Variants in TMEM132B observed in about 807,000 individuals in gnomAD.
TMEM132B encodes the protein transmembrane protein 132B.
TMEM132B carries 18 observed loss-of-function variants against 90.8 expected under a neutral mutation model. The observed-to-expected ratio is 0.20, with a 90% confidence interval of 0.14 to 0.29. The LOEUF (loss-of-function observed/expected upper bound fraction) is 0.29. Ranked by LOEUF, TMEM132B falls within the 10% of genes least tolerant of loss-of-function variation. The pLI is 1.00. For missense variants in TMEM132B, 1,096 were observed against 1,326.8 expected (o/e 0.83, Z 2.70); for synonymous variants, 504 against 523.3 (o/e 0.96, Z 0.50).
In TMEM132B at chr12:125,415,865, G is replaced by A. The variant is rs184509630; in HGVS notation, c.1106+188G>A. Among the ~76,000 whole-genome samples the A allele has an allele frequency of 1.8e-4, 28 of 152,246 alleles. No homozygotes were observed. Among genetic ancestry groups the A allele is most frequent in the African/African-American group, 5.5e-4 (23 of 41,542 alleles). ...TATCACAGCGTCGGGTTTGGTAACC[G>A]CGTTTTAAATTTTTATCTTTATTAT... On this transcript the variant is annotated intron_variant, in intron 3 of 8. Coordinates refer to ENST00000682704, the MANE Select transcript of TMEM132B (RefSeq NM_001366854.1). This position sits in a 1 kb window ranked among gnomAD's most constrained non-coding sequence, Gnocchi z 5.3.
At chr12:125,314,669 C>T (rs1308079177) in intron 1 of TMEM132B, among the ~76,000 whole-genome samples, 1 of 152,214 alleles carries the variant, frequency 6.6e-6, no homozygotes, top group African/African-American at 2.4e-5. Flanking sequence ...AAGATCTTTT[C>T]TTCCAGCTCA....
chr12:125,433,422 A>C (rs905390215), intron 3 of TMEM132B, among the ~76,000 whole-genome samples: 1 of 152,042 alleles, frequency 6.6e-6, no homozygotes, highest in Non-Finnish European at 1.5e-5. Flanking sequence ...TCTCCGGCTC[A>C]ACTGGGATTT....
chr12:125,332,108 CAT>C (rs1876794872), intron 1 of TMEM132B, among the ~76,000 whole-genome samples: 1 of 152,050 alleles, frequency 6.6e-6, no homozygotes, highest in Admixed American at 6.6e-5. Context: ...TACTCTAGCT[CAT>C]AGGATTGTGT....
At chr12:125,548,517 A>G (rs1400188450) in intron 4 of TMEM132B, among the ~76,000 whole-genome samples, 1 of 152,206 alleles carries the variant, frequency 6.6e-6, no homozygotes, top group Non-Finnish European at 1.5e-5. Flanking sequence ...GGATTGAAGG[A>G]TAAGACGACA....
chr12:125,513,295 G>C (rs960682399), intron 3 of TMEM132B, among the ~76,000 whole-genome samples: 2 of 152,164 alleles, frequency 1.3e-5, no homozygotes, highest in African/African-American at 4.8e-5. Flanking sequence ...ATACATTCGT[G>C]AGCAAAACAG....
chr12:125,275,950 G>C (rs1327303626), intron 1 of TMEM132B, among the ~76,000 whole-genome samples: 2 of 152,156 alleles, frequency 1.3e-5, no homozygotes, highest in East Asian at 3.8e-4. Flanking sequence ...CTGGGCTTAA[G>C]CAATCCTCCT....
intron 4 of TMEM132B, among the ~76,000 whole-genome samples, chr12:125,560,434 A>G (rs145225708): frequency 7.2e-5 from 11 of 152,340 alleles, no homozygotes; most frequent in African/African-American, 2.6e-4. Context: ...CAACAAACAT[A>G]TGAAAGAAAG....
chr12:125,383,231 G>A (rs2136289049), intron 2 of TMEM132B, among the ~76,000 whole-genome samples: 1 of 152,354 alleles, frequency 6.6e-6, no homozygotes, highest in Admixed American at 6.5e-5. Context: ...GTGGAAGTCA[G>A]TGACAGCCCC....
At chr12:125,596,563 T>C (rs970186786) in intron 5 of TMEM132B, among the ~76,000 whole-genome samples, 15 of 152,212 alleles carry the variant, frequency 9.9e-5, no homozygotes, top group African/African-American at 3.6e-4. Context: ...AATGTTGGAT[T>C]AGCCTTAAAG....
intron 1 of TMEM132B, among the ~76,000 whole-genome samples, chr12:125,315,079 A>G (rs768024647): frequency 1.3e-5 from 2 of 152,232 alleles, no homozygotes; most frequent in Non-Finnish European, 2.9e-5. Context: ...AACTCAACCA[A>G]TGCCAGGAAC....
At chr12:125,366,293 G>A (rs1036927022) in intron 2 of TMEM132B, among the ~76,000 whole-genome samples, 2 of 152,082 alleles carry the variant, frequency 1.3e-5, no homozygotes, top group Admixed American at 6.6e-5. Flanking sequence ...GGACACTTAG[G>A]TTGATTCCAT....
chr12:125,605,178 G>A (rs1179597070), intron 5 of TMEM132B, among the ~76,000 whole-genome samples: 1 of 152,192 alleles, frequency 6.6e-6, no homozygotes, highest in Non-Finnish European at 1.5e-5. Context: ...CTTCTGGGCA[G>A]TCTTCCCACG....
chr12:125,225,439 G>A (rs1012191002), intron 1 of TMEM132B, among the ~76,000 whole-genome samples: 2 of 152,248 alleles, frequency 1.3e-5, no homozygotes, highest in Non-Finnish European at 2.9e-5. Flanking sequence ...ACTCACACAC[G>A]AAGCCAGCCT....
chr12:125,486,225 A>G (rs1306745848), intron 3 of TMEM132B, among the ~76,000 whole-genome samples: 1 of 152,248 alleles, frequency 6.6e-6, no homozygotes, highest in African/African-American at 2.4e-5. Flanking sequence ...GGGCATGGGT[A>G]TAAAGGCTGG....
At chr12:125,436,842 C>A (rs1023811224) in intron 3 of TMEM132B, among the ~76,000 whole-genome samples, 1 of 152,306 alleles carries the variant, frequency 6.6e-6, no homozygotes, top group South Asian at 2.1e-4. Context: ...TATTTATAGT[C>A]AAGTGGCTGG....
intron 1 of TMEM132B, among the ~76,000 whole-genome samples, chr12:125,288,122 C>T (rs1875415431): frequency 6.6e-6 from 1 of 151,172 alleles, no homozygotes; most frequent in Non-Finnish European, 1.5e-5. Flanking sequence ...GATCCGCCAG[C>T]CTTGCGCTCC....
Position 125,654,478 on chromosome 12 carries a change from A to T in TMEM132B, c.3020A>T (p.Asp1007Val). The T allele has an allele frequency of 6.2e-7, 1 of 1,613,878 alleles. No individual in the cohort carries two copies. The highest frequency in any genetic ancestry group is 8.5e-7 in the Non-Finnish European group (1 of 1,180,012). The part of the protein sequence containing the change: ...TFHSQLLRPS[D>V]YVYEKEIKNE... Reference sequence around the variant, plus strand: ...CATAGTCAACTACTCAGACCCTCTGACTATGTCTATGAGAAAGAAATTAAA... The same window carrying T: ...CATAGTCAACTACTCAGACCCTCTGTCTATGTCTATGAGAAAGAAATTAAA... The change falls in exon 9 of 9, where the codon GAC becomes GTC. Residue 1007 changes from aspartate (D) to valine (V), a missense_variant. Asp to Val is a radical substitution (Grantham distance 152). Transcript: ENST00000682704. The surrounding 1 kb of genome is among the most constrained non-coding windows in gnomAD (Gnocchi z 5.8).
At chr12:125,511,850 T>TAAAAAAAAAAAA (rs1188465342) in intron 3 of TMEM132B, among the ~76,000 whole-genome samples, 2 of 89,730 alleles carry the variant, frequency 2.2e-5, no homozygotes, top group African/African-American at 6.0e-5. Context: ...AGACTCTATC[T>TAAAAAAAAAAAA]CAAAAAAAAA....
At chr12:125,352,787 A>G (rs748300580) in intron 2 of TMEM132B, among the ~76,000 whole-genome samples, 1 of 152,226 alleles carries the variant, frequency 6.6e-6, no homozygotes, top group Non-Finnish European at 1.5e-5. Context: ...GAGGCTGATC[A>G]TGCCTTTTTG....
Sources: allele counts gnomAD v4.1 joint callset (sites outside exome capture counted in the v4.1 genomes callset), GRCh38; gene constraint gnomAD v4.1.1; non-coding constraint Gnocchi (gnomAD v3.1); transcripts MANE v1.5; gene names NCBI Gene and HGNC (gene_info 2026-07-23, HGNC 2026-07-21).